The following CACNA1D variants were observed in gnomAD, a reference collection of about 807,000 sequenced individuals.
The protein encoded by CACNA1D is voltage-dependent L-type calcium channel subunit alpha-1D.
Under a neutral mutation model 257.1 loss-of-function variants are expected in CACNA1D, and 55 were observed. The ratio of observed to expected loss-of-function variants is 0.21; its 90% CI spans 0.17 to 0.27. The LOEUF is 0.27. Ranked by LOEUF, CACNA1D falls within the 10% of genes least tolerant of loss-of-function variation. The pLI is 1.00. For synonymous variants in CACNA1D, 980 were observed against 1,014.9 expected, an observed-to-expected ratio of 0.97 and a Z score of 0.65; for missense variants, 1,876 against 2,784.0, an observed-to-expected ratio of 0.67 and a Z score of 7.34.
chr3:53,692,372 G>A (rs905384140), intron 8 of CACNA1D, among the ~76,000 whole-genome samples: 1 of 152,152 alleles, frequency 6.6e-6, no homozygotes, highest in African/African-American at 2.4e-5. Context: ...AGAGCAGGAG[G>A]GGTTATGCAG....
chr3:53,663,452 G>A (rs1282238099), intron 5 of CACNA1D, among the ~76,000 whole-genome samples: 2 of 152,194 alleles, frequency 1.3e-5, no homozygotes, highest in African/African-American at 4.8e-5. Flanking sequence ...CCAATGCAAG[G>A]TCAGGAGGCC....
In CACNA1D at chr3:53,727,017, C is replaced by G; in HGVS notation, c.2221+18C>G. ...TGGTAACTGTATCCTTCAAGCCGAC[C>G]AGGCTTTGTTGTTGCCGTCGTTATC... On this transcript the variant is annotated intron_variant, in intron 15 of 47. Coordinates refer to ENST00000350061, the MANE Select transcript of CACNA1D (RefSeq NM_001128840.3). 1 of 1,613,970 alleles carries G rather than the reference C, an allele frequency of 6.2e-7. No homozygotes were observed. Among genetic ancestry groups the G allele is most frequent in the Non-Finnish European group, 8.5e-7 (1 of 1,179,832 alleles).
intron 7 of CACNA1D, 88 bp from the exon 8 acceptor site, chr3:53,672,935 G>A (rs1639881371): frequency 3.6e-6 from 3 of 828,222 alleles, no homozygotes; most frequent in Admixed American, 2.4e-5. Flanking sequence ...TTAATTAAAT[G>A]TATAGAATGC....
At chr3:53,680,932 T>G (rs1234392660) in intron 8 of CACNA1D, among the ~76,000 whole-genome samples, 1 of 152,180 alleles carries the variant, frequency 6.6e-6, no homozygotes, top group Non-Finnish European at 1.5e-5. Flanking sequence ...AGATCTATAG[T>G]GTAGGGAACT....
chr3:53,734,262 G>T (rs1409006083), intron 19 of CACNA1D, among the ~76,000 whole-genome samples: 5 of 150,774 alleles, frequency 3.3e-5, no homozygotes, highest in Non-Finnish European at 7.4e-5. Flanking sequence ...TCTTTTCCAA[G>T]GAAAAGCTAT....
chr3:53,781,416 C>T lies in CACNA1D; in HGVS notation c.4691-150C>T, dbSNP rs2095424693. 4 of 671,232 alleles carry T rather than the reference C, an allele frequency of 6.0e-6. No homozygotes were observed. The South Asian group carries it at 6.7e-5, about 11-fold the overall frequency. The allele number at this position is 671,232 out of a possible 1,614,324, so 41.6% of individuals were successfully genotyped here. A position where few individuals can be genotyped will look rare whatever the true frequency, so the allele number is the denominator to read the frequency against. ...TTGCTGAATATAGGAAGTGTGTTTG[C>T]CCCTGACTGGGGAGAGCCTGGTGGG... On this transcript the variant is annotated intron_variant, in intron 38 of 47. Transcript: ENST00000350061.
intron 29 of CACNA1D, among the ~76,000 whole-genome samples, chr3:53,760,585 T>C (rs1416007092): frequency 6.6e-6 from 1 of 152,218 alleles, no homozygotes; most frequent in Non-Finnish European, 1.5e-5. Flanking sequence ...GTCTGTGCAG[T>C]ATCTCCCCAC....
rs1399898336 is a variant in CACNA1D at position 53,811,506 on chromosome 3, G to GTAA, written c.*103_*105dup. ...AGGAAAGTTTAGGCACTAGTTGGGAGTAATATTCAATTAATTAGACTTTTG... is the reference window on the plus strand; with the variant it reads ...AGGAAAGTTTAGGCACTAGTTGGGAGTAATAATATTCAATTAATTAGACTTTTG... On this transcript the variant is annotated 3_prime_UTR_variant, in exon 48 of 48. Coordinates refer to ENST00000350061, the MANE Select transcript of CACNA1D (RefSeq NM_001128840.3). The surrounding 1 kb of genome is among the most constrained non-coding windows in gnomAD (Gnocchi z 4.2). 1 of 944,734 alleles carries GTAA rather than the reference G, an allele frequency of 1.1e-6. No individual in the cohort carries two copies. The highest frequency in any genetic ancestry group is 1.7e-5 in the African/African-American group (1 of 60,008). 58.5% of individuals were successfully genotyped at this position (944,734 alleles called of 1,614,324 possible). A position where few individuals can be genotyped will look rare whatever the true frequency, so the allele number is the denominator to read the frequency against.
chr3:53,739,993 G>A (rs1023126717), intron 20 of CACNA1D, among the ~76,000 whole-genome samples: 1 of 152,208 alleles, frequency 6.6e-6, no homozygotes, highest in Non-Finnish European at 1.5e-5. Context: ...AGAAAAGCTT[G>A]TTAACAAAGC....
At chr3:53,637,210 T>C (rs543686843) in intron 3 of CACNA1D, among the ~76,000 whole-genome samples, 1 of 152,360 alleles carries the variant, frequency 6.6e-6, no homozygotes, top group African/African-American at 2.4e-5. Flanking sequence ...TGCTTCTGGG[T>C]GCTTGCCCTG....
At chr3:53,784,445 T>A (rs1308545189) in intron 39 of CACNA1D, among the ~76,000 whole-genome samples, 1 of 152,220 alleles carries the variant, frequency 6.6e-6, no homozygotes, top group Non-Finnish European at 1.5e-5. Flanking sequence ...CTTTTCTTGT[T>A]CTTAGGAACT....
At chr3:53,585,741 G>T (rs1056995185) in intron 3 of CACNA1D, among the ~76,000 whole-genome samples, 4 of 152,078 alleles carry the variant, frequency 2.6e-5, no homozygotes, top group Admixed American at 6.5e-5. Context: ...CTATTGGGAG[G>T]GGCTGGTCCA....
rs1289376549 is a variant in CACNA1D, at chr3:53,753,568, A to G, written c.3676-4A>G. 1.3e-6 allele frequency: 2 copies of G among 1,580,976 alleles called. No individual in the cohort carries two copies. Among genetic ancestry groups the G allele is most frequent in the Admixed American group, 1.7e-5 (1 of 59,992 alleles). ...GAGAACGGTCCCTCTGTCTTCATCC[A>G]TAGCACTACGAGCAGTCCAAGATGT... On this transcript the variant is annotated splice_polypyrimidine_tract_variant and splice_region_variant and intron_variant, in intron 28 of 47. Coordinates refer to ENST00000350061, the MANE Select transcript of CACNA1D (RefSeq NM_001128840.3).
chr3:53,737,879 T>C (rs1458271880), intron 20 of CACNA1D, among the ~76,000 whole-genome samples: 1 of 152,214 alleles, frequency 6.6e-6, no homozygotes, highest in Non-Finnish European at 1.5e-5. Context: ...TTAGTTAGTT[T>C]TGTAACTTAG....
chr3:53,660,013 T>G, intron 4 of CACNA1D, 120 bp from the exon 5 acceptor site: 1 of 879,822 alleles, frequency 1.1e-6, no homozygotes, highest in Non-Finnish European at 1.8e-6. Context: ...TTTGTCTTCC[T>G]TTTATTTAAG....
chr3:53,626,972 A>T (rs2093766539), intron 3 of CACNA1D, among the ~76,000 whole-genome samples: 1 of 151,830 alleles, frequency 6.6e-6, no homozygotes, highest in African/African-American at 2.4e-5. Context: ...CTCAGCTCTG[A>T]CTCCTCCATT....
At chr3:53,586,319 T>TGTGTGTGC (rs1491378698) in intron 3 of CACNA1D, among the ~76,000 whole-genome samples, 37 of 150,024 alleles carry the variant, frequency 2.5e-4, no homozygotes, top group South Asian at 4.2e-4. Context: ...TGTGTGTGTG[T>TGTGTGTGC]GCATTCCTCC....
At chr3:53,553,547 A>G (rs1199766929) in intron 3 of CACNA1D, among the ~76,000 whole-genome samples, 3 of 152,200 alleles carry the variant, frequency 2.0e-5, no homozygotes, top group Non-Finnish European at 4.4e-5. Flanking sequence ...GTGTGTGTGT[A>G]TGACTTCCAC....
At chr3:53,666,938 A>G (rs1480252739) in intron 7 of CACNA1D, among the ~76,000 whole-genome samples, 1 of 152,128 alleles carries the variant, frequency 6.6e-6, no homozygotes, top group Non-Finnish European at 1.5e-5. Context: ...TTATACATCA[A>G]GGCAGGTTGC....
Sources: allele counts gnomAD v4.1 joint callset (sites outside exome capture counted in the v4.1 genomes callset), GRCh38; gene constraint gnomAD v4.1.1; non-coding constraint Gnocchi (gnomAD v3.1); transcripts MANE v1.5; gene names NCBI Gene and HGNC (gene_info 2026-07-23, HGNC 2026-07-21).